Variants in ZNF587 observed in about 807,000 individuals in gnomAD.
ZNF587 encodes zinc finger protein 587, also known as zinc finger protein zfp6.
A neutral mutation model predicts 7.5 loss-of-function variants in ZNF587; 8 were observed. That is an observed-to-expected ratio of 1.06 (90% CI 0.62 to 1.92). ZNF587 has a LOEUF of 1.92. Ranked by LOEUF, ZNF587 falls within the 40% of genes most tolerant of loss-of-function variation. ZNF587 has a pLI of 0.00. For synonymous variants in ZNF587, 145 were observed against 237.8 expected, an observed-to-expected ratio of 0.61 and a Z score of 3.59; for missense variants, 468 against 692.8, an observed-to-expected ratio of 0.68 and a Z score of 3.64.
rs2122354608 is a variant in ZNF587, at chr19:57,859,878, A to G, written c.1466A>G (p.Glu489Gly). Residue 489 changes from glutamate (E) to glycine (G), a missense_variant, in exon 3 of 3, where the codon GAA becomes GGA. This residue lies in a region of ZNF587 where 310 missense variants were observed against 325.6 expected (regional missense o/e 0.95). Coordinates refer to ENST00000339656, the MANE Select transcript of ZNF587 (RefSeq NM_032828.4). ...VTIHQRIHTG[E>G]RPYECSECGK... ...ATACATCAGAGGATTCACACTGGAG[A>G]AAGGCCGTATGAATGCAGTGAATGT... The G allele has an allele frequency of 6.2e-7, 1 of 1,614,218 alleles. No homozygotes were observed. The highest frequency in any genetic ancestry group is 8.5e-7 in the Non-Finnish European group (1 of 1,180,042).
At position 57,860,183 on chromosome 19, in the gene ZNF587, C is replaced by T. The variant is rs370410725; in HGVS notation, c.*43C>T. 1.5e-5 allele frequency: 24 copies of T among 1,613,812 alleles called. No individual in the cohort carries two copies. The highest frequency in any genetic ancestry group is 2.2e-5 in the East Asian group (1 of 44,870). ...AATCGTTTGCTGAAGCATCCCGTCT[C>T]GTTAAACACAGGAGAGTTCATACTG... is the stretch of plus-strand genomic sequence containing the variant. On this transcript the variant is annotated 3_prime_UTR_variant, in exon 3 of 3. Transcript: ENST00000339656.
In ZNF587 at chr19:57,864,395, G is replaced by C. The variant is rs2071479456; in HGVS notation, c.*4255G>C. 6.6e-6 allele frequency: 1 copy of C among 151,932 alleles called. No homozygotes were observed. The highest frequency in any genetic ancestry group is 6.6e-5 in the Admixed American group (1 of 15,252). The allele number at this position is 151,932 out of a possible 1,614,324, so 9.4% of individuals were successfully genotyped here. ...GATCCACCCCCCTCGGCCTCCTAAA[G>C]TGCTGGGATTACAGGCATCTGCCAC... On this transcript the variant is annotated 3_prime_UTR_variant, in exon 3 of 3. Transcript: ENST00000339656.
intron 2 of ZNF587, among the ~76,000 whole-genome samples, chr19:57,856,687 C>A (rs558616557): frequency 6.6e-6 from 1 of 151,226 alleles, no homozygotes; most frequent in Non-Finnish European, 1.5e-5. Flanking sequence ...GGATTATAGG[C>A]GTGAGCCACC....
chr19:57,858,459 G>A, intron 2 of ZNF587, 117 bp from the exon 3 acceptor site: 2 of 1,475,084 alleles, frequency 1.4e-6, no homozygotes, highest in Non-Finnish European at 1.8e-6. Context: ...AGCCAACATT[G>A]TGTTCCTGCA....
Position 57,864,341 on chromosome 19 carries a change from C to G in ZNF587, c.*4201C>G, listed in dbSNP as rs1054329177. 1 of 151,558 alleles carries G rather than the reference C, an allele frequency of 6.6e-6. No homozygotes were observed. The highest frequency in any genetic ancestry group is 1.5e-5 in the Non-Finnish European group (1 of 67,966). 9.4% of individuals were successfully genotyped at this position (151,558 alleles called of 1,614,324 possible). On this transcript the variant is annotated 3_prime_UTR_variant, in exon 3 of 3. Coordinates refer to ENST00000339656, the MANE Select transcript of ZNF587 (RefSeq NM_032828.4). ...TAGAGATGGGCTTTCACTACGTTAG[C>G]CAGGCTGGTCTCAAACTCCTGACCT...
Position 57,862,627 on chromosome 19 carries a change from T to TGCATGAATGTC in ZNF587, c.*2489_*2499dup, listed in dbSNP as rs532286926. 1.3e-4 allele frequency: 20 copies of TGCATGAATGTC among 155,006 alleles called. No individual in the cohort carries two copies. In the East Asian group the frequency reaches 3.9e-3, roughly 30 times the overall value. 9.6% of individuals were successfully genotyped at this position (155,006 alleles called of 1,614,324 possible). A position where few individuals can be genotyped will look rare whatever the true frequency, so the allele number is the denominator to read the frequency against. ...GGGGTCACATGCCCATTTCCCCACT[T>TGCATGAATGTC]GCATGAATGTCGACACTGCAGCCAC... On this transcript the variant is annotated 3_prime_UTR_variant, in exon 3 of 3. Transcript: ENST00000339656.
rs551221879 is a variant in ZNF587 at position 57,850,037 on chromosome 19, C to T, written c.-2C>T. The T allele has an allele frequency of 1.4e-5, 23 of 1,614,250 alleles. No individual in the cohort carries two copies. Among genetic ancestry groups the T allele is most frequent in the Admixed American group, 6.7e-5 (4 of 60,036 alleles). On this transcript the variant is annotated 5_prime_UTR_variant, in exon 1 of 3. Coordinates refer to ENST00000339656, the MANE Select transcript of ZNF587 (RefSeq NM_032828.4). ...CCGGGCCGTGCTTCCCCAAGTAGTC[C>T]GATGGCAGCGGCTGTGCCGAGGCGC...
chr19:57,855,681 C>A (rs888685115), intron 1 of ZNF587, among the ~76,000 whole-genome samples: 14 of 151,712 alleles, frequency 9.2e-5, no homozygotes, highest in Non-Finnish European at 1.5e-5. Flanking sequence ...CCGGCCTCAG[C>A]CTCCCGAGTA....
At chr19:57,850,336 TTTA>T (rs1015353288) in intron 1 of ZNF587, 48 of 631,816 alleles carry the variant, frequency 7.6e-5, no homozygotes, top group Non-Finnish European at 1.2e-4. Flanking sequence ...AGACAGGAGT[TTTA>T]TTATTCAAAT....
chr19:57,855,663 G>A (rs1355249570), intron 1 of ZNF587, among the ~76,000 whole-genome samples: 1 of 151,034 alleles, frequency 6.6e-6, no homozygotes, highest in African/African-American at 2.4e-5. Flanking sequence ...CTGGGTTCAC[G>A]CCATTCTCCG....
rs145778607 is a variant in ZNF587, at chr19:57,863,265, G to C, written c.*3125G>C. Reference sequence around the variant, plus strand: ...CCTCTTTAGCTGGGATTACAGGTGCGTGCCACCACACCCAGCTAATTTTTG... The same window carrying C: ...CCTCTTTAGCTGGGATTACAGGTGCCTGCCACCACACCCAGCTAATTTTTG... On this transcript the variant is annotated 3_prime_UTR_variant, in exon 3 of 3. Transcript: ENST00000339656. 0.032 allele frequency: 4,855 copies of C among 152,186 alleles called. 121 individuals carry two copies. Among genetic ancestry groups the C allele is most frequent in the Middle Eastern group, 0.061 (18 of 296 alleles). 9.4% of individuals were successfully genotyped at this position (152,186 alleles called of 1,614,324 possible).
Position 57,857,493 on chromosome 19 carries a change from T to A in ZNF587, c.164-1083T>A, listed in dbSNP as rs1405441561. On this transcript the variant is annotated intron_variant, in intron 2 of 2. Coordinates refer to ENST00000339656, the MANE Select transcript of ZNF587 (RefSeq NM_032828.4). Reference sequence around the variant, plus strand: ...CTCTGATATTGGTGTATTGATTACGTATTAGGAAGTGTATGCCCATGGTTA... The same window carrying A: ...CTCTGATATTGGTGTATTGATTACGAATTAGGAAGTGTATGCCCATGGTTA... 2.0e-5 allele frequency among the ~76,000 whole-genome samples: 3 copies of A among 151,934 alleles called. No homozygotes were observed. The South Asian group carries it at 6.2e-4, about 32-fold the overall frequency.
In ZNF587 at chr19:57,858,504, A is replaced by G. The variant is rs1416215874; in HGVS notation, c.164-72A>G. On this transcript the variant is annotated intron_variant, in intron 2 of 2. Transcript: ENST00000339656. ...ATAGATTAATTCCTCAATTTGTGAG[A>G]CGTACTTGTGGGTGGGCTGTGCCTT... 5 of 1,533,744 alleles carry G rather than the reference A, an allele frequency of 3.3e-6. No individual in the cohort carries two copies. In the East Asian group the frequency reaches 9.0e-5, roughly 28 times the overall value.
intron 1 of ZNF587, chr19:57,852,213 T>C (rs1230498236): frequency 2.9e-6 from 1 of 339,446 alleles, no homozygotes; most frequent in Admixed American, 6.2e-5. Flanking sequence ...CCATGACAGG[T>C]TATATGGAGG....
chr19:57,855,836 C>A, intron 1 of ZNF587: 2 of 412,382 alleles, frequency 4.8e-6, no homozygotes, highest in Non-Finnish European at 8.7e-6. Flanking sequence ...GCTGGGATTA[C>A]AGGCGTGAGC....
At position 57,855,365 on chromosome 19, in the gene ZNF587, AACTTTT is replaced by A. The variant is rs1473156041; in HGVS notation, c.34-734_34-729del. ...GTCTCAAAAAAATCCCCCAAAAATA[AACTTTT>A]ACTTCTGGGGATGCCAGAGAGGGGC... On this transcript the variant is annotated intron_variant, in intron 1 of 2. Coordinates refer to ENST00000339656, the MANE Select transcript of ZNF587 (RefSeq NM_032828.4). 3.9e-5 allele frequency among the ~76,000 whole-genome samples: 6 copies of A among 152,002 alleles called. No individual in the cohort carries two copies. The South Asian group carries it at 1.2e-3, about 32-fold the overall frequency.
At chr19:57,858,234 C>G (rs1470582295) in intron 2 of ZNF587, 1 of 284,032 alleles carries the variant, frequency 3.5e-6, no homozygotes, top group African/African-American at 2.3e-5. Flanking sequence ...TCAAATGATT[C>G]TCCTGCTTTA....
Position 57,862,721 on chromosome 19 carries a change from G to T in ZNF587, c.*2581G>T, listed in dbSNP as rs59754053. 0.046 allele frequency: 7,166 copies of T among 154,944 alleles called. 536 individuals carry two copies. Among genetic ancestry groups the T allele is most frequent in the African/African-American group, 0.16 (6,594 of 41,536 alleles). The allele number at this position is 154,944 out of a possible 1,614,324, so 9.6% of individuals were successfully genotyped here. ...CAGGGAAATGTCCCAATCAGAAGAA[G>T]ATTATCTGGGACACTGATACTGACA... On this transcript the variant is annotated 3_prime_UTR_variant, in exon 3 of 3. Coordinates refer to ENST00000339656, the MANE Select transcript of ZNF587 (RefSeq NM_032828.4).
chr19:57,858,602 G>C lies in ZNF587; in HGVS notation c.190G>C (p.Glu64Gln). The change falls in exon 3 of 3, where the codon GAG becomes CAG. Residue 64 changes from glutamate (E) to glutamine (Q), a missense_variant. Physicochemically the swap from Glu to Gln is conservative, Grantham distance 29 (BLOSUM62 2). Coordinates refer to ENST00000339656, the MANE Select transcript of ZNF587 (RefSeq NM_032828.4). ...LGCWCGSKDE[E>Q]APCKQRISVQ... ...TTGTTGGTGTGGATCAAAAGATGAGGAGGCACCTTGTAAGCAGAGAATTTC... is the reference window on the plus strand; with the variant it reads ...TTGTTGGTGTGGATCAAAAGATGAGCAGGCACCTTGTAAGCAGAGAATTTC... 3 of 1,592,102 alleles carry C rather than the reference G, an allele frequency of 1.9e-6. No homozygotes were observed. Among genetic ancestry groups the C allele is most frequent in the Non-Finnish European group, 1.7e-6 (2 of 1,169,356 alleles).
Sources: allele counts gnomAD v4.1 joint callset (sites outside exome capture counted in the v4.1 genomes callset), GRCh38; gene constraint gnomAD v4.1.1; regional missense constraint gnomAD v4.1.1; transcripts MANE v1.5; gene names NCBI Gene and HGNC (gene_info 2026-07-23, HGNC 2026-07-21).